Variants in GTF3C3 observed in about 807,000 individuals in gnomAD.
GTF3C3 encodes the protein general transcription factor IIIC subunit 3, also known as general transcription factor 3C polypeptide 3.
Under a neutral mutation model 105.2 loss-of-function variants are expected in GTF3C3, and 75 were observed. That is an observed-to-expected ratio of 0.71 (90% CI 0.59 to 0.86). The LOEUF is 0.86. GTF3C3 is among the 40% of genes least tolerant of loss of function. The probability of loss-of-function intolerance (pLI) is 0.00; values close to 1 mark genes in which losing one functional copy is unlikely to be tolerated. For synonymous variants in GTF3C3, 335 were observed against 370.4 expected, an observed-to-expected ratio of 0.90 and a Z score of 1.10; for missense variants, 856 against 1,076.5, an observed-to-expected ratio of 0.80 and a Z score of 2.87.
In GTF3C3 at chr2:196,769,854, A is replaced by G. The variant is rs1699141250; in HGVS notation, c.2385+61T>C. On this transcript the variant is annotated intron_variant, in intron 16 of 17. Coordinates refer to ENST00000263956, the MANE Select transcript of GTF3C3 (RefSeq NM_012086.5). ...TTGAAGCAGGATTTTTAAAAAAAGTATTAAGTATATTCATTTTTAAGAAAC... is the reference window on the plus strand; with the variant it reads ...TTGAAGCAGGATTTTTAAAAAAAGTGTTAAGTATATTCATTTTTAAGAAAC... 3.6e-6 allele frequency: 5 copies of G among 1,395,292 alleles called. No homozygotes were observed. The East Asian group carries it at 1.2e-4, about 33-fold the overall frequency. The allele number at this position is 1,395,292 out of a possible 1,614,324, so 86.4% of individuals were successfully genotyped here. A position where few individuals can be genotyped will look rare whatever the true frequency, so the allele number is the denominator to read the frequency against.
Position 196,766,612 on chromosome 2 carries a change from T to G in GTF3C3, c.2491A>C (p.Ile831Leu). 6.2e-7 allele frequency: 1 copy of G among 1,613,018 alleles called. No individual in the cohort carries two copies. Among genetic ancestry groups the G allele is most frequent in the Non-Finnish European group, 8.5e-7 (1 of 1,179,208 alleles). ...TCCAGGGCCTTCTGATAATAGTGGA[T>G]TGCAAGATGAATCAGCCCCAACTGA... ...LHQLGLIHLAIHYYQKALELP... is the reference protein window; with the variant it reads ...LHQLGLIHLALHYYQKALELP... The change falls in exon 17 of 18, where the codon ATC becomes CTC. Residue 831 changes from isoleucine (I) to leucine (L), a missense_variant. By Grantham distance (5) the Ile-to-Leu change is conservative (BLOSUM62 2). Coordinates refer to ENST00000263956, the MANE Select transcript of GTF3C3 (RefSeq NM_012086.5).
Position 196,763,268 on chromosome 2 carries a change from C to T in GTF3C3, c.*1295G>A, listed in dbSNP as rs1245635590. On this transcript the variant is annotated 3_prime_UTR_variant, in exon 18 of 18. Coordinates refer to ENST00000263956, the MANE Select transcript of GTF3C3 (RefSeq NM_012086.5). Reference sequence around the variant, plus strand: ...TTTTTCCCTTAGGGAGACTTATTTCCTCCACGGCTATTTAGTAGACACTGG... The same window carrying T: ...TTTTTCCCTTAGGGAGACTTATTTCTTCCACGGCTATTTAGTAGACACTGG... 2.6e-5 allele frequency: 4 copies of T among 152,020 alleles called. No homozygotes were observed. Among genetic ancestry groups the T allele is most frequent in the African/African-American group, 9.7e-5 (4 of 41,392 alleles). The allele number at this position is 152,020 out of a possible 1,614,324, so 9.4% of individuals were successfully genotyped here. A position where few individuals can be genotyped will look rare whatever the true frequency, so the allele number is the denominator to read the frequency against.
intron 14 of GTF3C3, among the ~76,000 whole-genome samples, chr2:196,772,713 C>T (rs1348630687): frequency 6.6e-6 from 1 of 152,100 alleles, no homozygotes; most frequent in African/African-American, 2.4e-5. Flanking sequence ...CCTAAGGTCA[C>T]GCAGCCAGTA....
In GTF3C3 at chr2:196,765,393, C is replaced by CT. The variant is rs888290324; in HGVS notation, c.2539-709_2539-708insA. Reference sequence around the variant, plus strand: ...AGATGTAACAATATTTATGAAATAACACTGTATAAACAACCTTTAATAAAC... The same window carrying CT: ...AGATGTAACAATATTTATGAAATAACTACTGTATAAACAACCTTTAATAAAC... On this transcript the variant is annotated intron_variant, in intron 17 of 17. Coordinates refer to ENST00000263956, the MANE Select transcript of GTF3C3 (RefSeq NM_012086.5). 4.5e-4 allele frequency among the ~76,000 whole-genome samples: 69 copies of CT among 152,062 alleles called. 1 individual carries two copies. Among genetic ancestry groups the CT allele is most frequent in the African/African-American group, 1.6e-3 (67 of 41,522 alleles).
chr2:196,791,644 G>A (rs755549357), intron 3 of GTF3C3, among the ~76,000 whole-genome samples, 184 bp from the exon 4 acceptor site: 2 of 152,070 alleles, frequency 1.3e-5, no homozygotes, highest in African/African-American at 4.8e-5. Context: ...AGTTTATCGA[G>A]TCTAAAATTG....
Position 196,786,555 on chromosome 2 carries a change from G to A in GTF3C3, c.894-967C>T, listed in dbSNP as rs1270269844. 6.6e-6 allele frequency among the ~76,000 whole-genome samples: 1 copy of A among 151,998 alleles called. No homozygotes were observed. Among genetic ancestry groups the A allele is most frequent in the Non-Finnish European group, 1.5e-5 (1 of 67,994 alleles). On this transcript the variant is annotated intron_variant, in intron 6 of 17. Coordinates refer to ENST00000263956, the MANE Select transcript of GTF3C3 (RefSeq NM_012086.5). The surrounding 1 kb of genome is among the most constrained non-coding windows in gnomAD (Gnocchi z 4.2). ...ATTGTATACATGAAAATAACCCCTA[G>A]TTTGATCCCATTCCCTATGATCTAC...
At position 196,788,017 on chromosome 2, in the gene GTF3C3, A is replaced by T. The variant is rs1205903800; in HGVS notation, c.893+1187T>A. 5.3e-5 allele frequency among the ~76,000 whole-genome samples: 8 copies of T among 152,362 alleles called. No homozygotes were observed. The East Asian group carries it at 1.3e-3, about 26-fold the overall frequency. On this transcript the variant is annotated intron_variant, in intron 6 of 17. Transcript: ENST00000263956. Reference sequence around the variant, plus strand: ...AGAAGTGGAAAACCAATTTACTATCATAGGCCACCTAACATTTCACAAAGT... The same window carrying T: ...AGAAGTGGAAAACCAATTTACTATCTTAGGCCACCTAACATTTCACAAAGT...
chr2:196,782,293 C>T (rs892835798), intron 8 of GTF3C3, among the ~76,000 whole-genome samples: 10 of 152,182 alleles, frequency 6.6e-5, no homozygotes, highest in Non-Finnish European at 1.0e-4. Context: ...TCCTAATCTC[C>T]AGAACTGTGA....
chr2:196,796,844 G>A (rs1201310687), intron 2 of GTF3C3, among the ~76,000 whole-genome samples: 4 of 152,158 alleles, frequency 2.6e-5, no homozygotes, highest in Non-Finnish European at 4.4e-5. Flanking sequence ...CAAAGGACAT[G>A]ATCTCATTCC....
At chr2:196,791,632 A>G (rs1410111090) in intron 3 of GTF3C3, among the ~76,000 whole-genome samples, 172 bp from the exon 4 acceptor site, 1 of 152,176 alleles carries the variant, frequency 6.6e-6, no homozygotes, top group East Asian at 1.9e-4. Flanking sequence ...CTTTAACATT[A>G]AAGTTTATCG....
chr2:196,798,862 C>CA (rs71410624), intron 1 of GTF3C3, among the ~76,000 whole-genome samples: 9,268 of 83,470 alleles, frequency 0.11, 1,006 homozygotes, highest in East Asian at 0.43. Flanking sequence ...AACTCCGTCT[C>CA]AAAAAAAAAA....
intron 17 of GTF3C3, among the ~76,000 whole-genome samples, chr2:196,765,443 T>G (rs970250717): frequency 6.6e-6 from 1 of 151,942 alleles, no homozygotes; most frequent in South Asian, 2.1e-4. Context: ...ATTTGAAAAC[T>G]GCCTCCAGTA....
At chr2:196,781,357 A>AAATATATATATATATATAT in intron 8 of GTF3C3, among the ~76,000 whole-genome samples, 2 of 18,818 alleles carry the variant, frequency 1.1e-4, no homozygotes, top group Admixed American at 1.0e-3. Flanking sequence ...AAAAAAAAAA[A>AAATATATATATATATATAT]ATATATATAT....
chr2:196,764,803 G>A lies in GTF3C3; in HGVS notation c.2539-118C>T, dbSNP rs1485335298. 5.2e-6 allele frequency: 4 copies of A among 776,436 alleles called. No individual in the cohort carries two copies. The African/African-American group carries it at 8.0e-5, about 16-fold the overall frequency. The allele number at this position is 776,436 out of a possible 1,614,324, so 48.1% of individuals were successfully genotyped here. On this transcript the variant is annotated intron_variant, in intron 17 of 17. Transcript: ENST00000263956. Reference sequence around the variant, plus strand: ...GTTTTCAAAAGGTATTAAAGCTCATGTACTAAAAAAAAATTATAAAACTAT... The same window carrying A: ...GTTTTCAAAAGGTATTAAAGCTCATATACTAAAAAAAAATTATAAAACTAT...
intron 17 of GTF3C3, among the ~76,000 whole-genome samples, chr2:196,765,627 A>G (rs1334316306): frequency 6.6e-6 from 1 of 150,412 alleles, no homozygotes; most frequent in African/African-American, 2.4e-5. Context: ...ACATATATAA[A>G]TATGTATAAA....
rs1162645531 is a variant in GTF3C3 at position 196,797,919 on chromosome 2, AAATT to A, written c.103-15_103-12del. 1.4e-6 allele frequency: 2 copies of A among 1,397,986 alleles called. No homozygotes were observed. The highest frequency in any genetic ancestry group is 1.7e-5 in the Admixed American group (1 of 59,776). The allele number at this position is 1,397,986 out of a possible 1,614,324, so 86.6% of individuals were successfully genotyped here. ...TTTTTCCTGAAGACTCTGTGATTGC[AAATT>A]AATTAATGATTCCAAAAAATAATGC... On this transcript the variant is annotated splice_polypyrimidine_tract_variant and intron_variant, in intron 1 of 17. Coordinates refer to ENST00000263956, the MANE Select transcript of GTF3C3 (RefSeq NM_012086.5).
At position 196,763,494 on chromosome 2, in the gene GTF3C3, A is replaced by G. The variant is rs544057380; in HGVS notation, c.*1069T>C. 40 of 152,382 alleles carry G rather than the reference A, an allele frequency of 2.6e-4. No homozygotes were observed. Among genetic ancestry groups the G allele is most frequent in the African/African-American group, 9.6e-4 (40 of 41,596 alleles). 9.4% of individuals were successfully genotyped at this position (152,382 alleles called of 1,614,324 possible). A position where few individuals can be genotyped will look rare whatever the true frequency, so the allele number is the denominator to read the frequency against. The stretch of plus-strand genomic sequence containing the variant: ...AATAAAATGCATTTAAATTATACAC[A>G]TGGAGTATACAATATATTTACTTAT... On this transcript the variant is annotated 3_prime_UTR_variant, in exon 18 of 18. Coordinates refer to ENST00000263956, the MANE Select transcript of GTF3C3 (RefSeq NM_012086.5).
At chr2:196,781,033 T>C (rs1246242123) in intron 8 of GTF3C3, 1 of 156,012 alleles carries the variant, frequency 6.4e-6, no homozygotes, top group African/African-American at 2.4e-5. Context: ...TAATACTGTG[T>C]TATTTTCTAA....
chr2:196,797,184 T>G (rs1167202766), intron 2 of GTF3C3, among the ~76,000 whole-genome samples: 1 of 152,248 alleles, frequency 6.6e-6, no homozygotes, highest in African/African-American at 2.4e-5. Context: ...ATCAGCATTC[T>G]GATCCCTGGA....
Sources: gnomAD v4.1 joint callset for allele counts (sites outside exome capture counted in the v4.1 genomes callset) on GRCh38, gnomAD v4.1.1 for gene constraint, Gnocchi (gnomAD v3.1) non-coding constraint, MANE v1.5 for transcripts, NCBI Gene and HGNC (gene_info 2026-07-23, HGNC 2026-07-21) for gene names.